RTN4: variants seen among roughly 807,000 people sequenced by gnomAD.
RTN4 encodes the protein reticulon-4.
Under a neutral mutation model 90.4 loss-of-function variants are expected in RTN4, and 32 were observed. That is an observed-to-expected ratio of 0.35 (90% CI 0.27 to 0.48). RTN4 has a LOEUF of 0.48. Ranked by LOEUF, RTN4 falls within the 20% of genes least tolerant of loss-of-function variation. The probability of loss-of-function intolerance (pLI) is 0.99; values close to 1 mark genes in which losing one functional copy is unlikely to be tolerated. For missense variants in RTN4, 1,706 were observed against 1,430.2 expected (o/e 1.19, Z -3.11); for synonymous variants, 629 against 552.5 (o/e 1.14, Z -1.94).
chr2:55,096,908 T>C (rs1667742987), intron 1 of RTN4, among the ~76,000 whole-genome samples: 1 of 151,960 alleles, frequency 6.6e-6, no homozygotes, highest in Non-Finnish European at 1.5e-5. Context: ...GGAGTGACAG[T>C]CATTGTAAAT....
At chr2:55,107,197 C>T (rs944550423) in intron 1 of RTN4, among the ~76,000 whole-genome samples, 7 of 150,838 alleles carry the variant, frequency 4.6e-5, no homozygotes, top group South Asian at 2.1e-4. Flanking sequence ...TGTTTAGTTG[C>T]GTGTATTTTT....
At chr2:55,042,927 T>C (rs759215839) in intron 1 of RTN4, among the ~76,000 whole-genome samples, 1 of 152,124 alleles carries the variant, frequency 6.6e-6, no homozygotes, top group Non-Finnish European at 1.5e-5. Flanking sequence ...ATATATACTA[T>C]GAAGAGGTAA....
At chr2:55,098,461 C>T (rs1376845812) in intron 1 of RTN4, among the ~76,000 whole-genome samples, 7 of 152,020 alleles carry the variant, frequency 4.6e-5, no homozygotes, top group South Asian at 2.1e-4. Context: ...TAATTATCAA[C>T]GCAGGGTCAA....
intron 1 of RTN4, among the ~76,000 whole-genome samples, chr2:55,084,222 A>G (rs1668793700): frequency 6.6e-6 from 1 of 152,064 alleles, no homozygotes; most frequent in South Asian, 2.1e-4. Context: ...CTAAGAGGCC[A>G]TAAAAGCTCA....
In RTN4 at chr2:55,017,360, T is replaced by C. The variant is rs150385855; in HGVS notation, c.3013+7726A>G. On this transcript the variant is annotated intron_variant, in intron 3 of 8. Transcript: ENST00000337526. ...ATATGTAAGTTCTTATTCATGAACATATATAAGTTTGCAAAGCTAATTTCG... is the reference window on the plus strand; with the variant it reads ...ATATGTAAGTTCTTATTCATGAACACATATAAGTTTGCAAAGCTAATTTCG... Among the ~76,000 whole-genome samples the C allele has an allele frequency of 9.1e-3, 1,391 of 152,304 alleles. 19 individuals are homozygous for C. The highest frequency in any genetic ancestry group is 0.032 in the African/African-American group (1,321 of 41,556).
the RTN4 span, among the ~76,000 whole-genome samples, chr2:55,136,485 TC>T: frequency 6.6e-6 from 1 of 152,186 alleles, no homozygotes. Context: ...GTACTTTACT[TC>T]CTTTTGTTCC....
chr2:55,070,913 A>C (rs1324076663), intron 2 of RTN4, among the ~76,000 whole-genome samples: 2 of 151,786 alleles, frequency 1.3e-5, no homozygotes, highest in Non-Finnish European at 2.9e-5. Context: ...AGTAGCTGGG[A>C]CTACAGGTGC....
At position 55,078,265 on chromosome 2, in the gene RTN4, G is replaced by T. The variant is rs903335810; in HGVS notation, c.-63+2224C>A. On this transcript the variant is annotated intron_variant, in intron 2 of 3. Coordinates refer to the RTN4 transcript ENST00000427710. Reference sequence around the variant, plus strand: ...TTTTTTTAAATTTACTATTTTTTGAGGCTTGCTCTGCTGCCCAGGCTGGAA... The same window carrying T: ...TTTTTTTAAATTTACTATTTTTTGATGCTTGCTCTGCTGCCCAGGCTGGAA... 9.2e-5 allele frequency among the ~76,000 whole-genome samples: 14 copies of T among 151,870 alleles called. No homozygotes were observed. The South Asian group carries it at 2.3e-3, about 25-fold the overall frequency.
the RTN4 span, among the ~76,000 whole-genome samples, chr2:55,129,737 G>T: frequency 6.6e-6 from 1 of 152,186 alleles, no homozygotes. Flanking sequence ...AATTTTTTGT[G>T]TTTGTAGTAG....
At chr2:55,119,542 A>G in the RTN4 span, among the ~76,000 whole-genome samples, 3 of 152,238 alleles carry the variant, frequency 2.0e-5, no homozygotes, top group African/African-American at 7.2e-5. Flanking sequence ...TAGTAGAAGT[A>G]AATTTCATAA....
chr2:55,021,130 T>C (rs566432245), intron 3 of RTN4, among the ~76,000 whole-genome samples: 48 of 152,320 alleles, frequency 3.2e-4, no homozygotes, highest in South Asian at 2.5e-3. Flanking sequence ...ACTTAAATAT[T>C]TCATAATTAG....
chr2:55,095,566 A>G (rs1669016089), intron 1 of RTN4, among the ~76,000 whole-genome samples: 1 of 152,064 alleles, frequency 6.6e-6, no homozygotes, highest in Non-Finnish European at 1.5e-5. Flanking sequence ...AGGCTGGAGT[A>G]TAAGTGGCTT....
intron 3 of RTN4, among the ~76,000 whole-genome samples, chr2:54,993,462 A>G (rs1431475595): frequency 1.3e-5 from 2 of 152,152 alleles, no homozygotes; most frequent in Non-Finnish European, 2.9e-5. Flanking sequence ...GAATCAAGTC[A>G]ATTTTCCCAA....
Position 55,050,165 on chromosome 2 carries a change from C to G in RTN4, c.136G>C (p.Asp46His), listed in dbSNP as rs765864174. The G allele has an allele frequency of 1.9e-6, 3 of 1,564,770 alleles. No individual in the cohort carries two copies. The highest frequency in any genetic ancestry group is 1.7e-6 in the Non-Finnish European group (2 of 1,162,360). The change falls in exon 1 of 9, where the codon GAC becomes CAC. Residue 46 changes from aspartate to histidine, a missense_variant. By Grantham distance (81) the Asp-to-His change is moderately conservative. Coordinates refer to ENST00000337526, the MANE Select transcript of RTN4 (RefSeq NM_020532.5). This position sits in a 1 kb window ranked among gnomAD's most constrained non-coding sequence, Gnocchi z 4.6. ...EEEEEEEEDE[D>H]EDLEELEVLE... Reference sequence around the variant, plus strand: ...ACCTCCAGCTCCTCCAGGTCTTCGTCCTCGTCCTCCTCTTCCTCCTCCTCT... The same window carrying G: ...ACCTCCAGCTCCTCCAGGTCTTCGTGCTCGTCCTCCTCTTCCTCCTCCTCT...
rs371538479 is a variant in RTN4 at position 55,026,979 on chromosome 2, C to T, written c.1120G>A (p.Val374Ile). ...KAKDSFNEKR[V>I]AVEAPMREEY... The stretch of plus-strand genomic sequence containing the variant: ...TCCCTCATAGGAGCTTCCACTGCAA[C>T]TCTCTTTTCATTAAAACTGTCTTTT... The change falls in exon 3 of 9, where the codon GTT becomes ATT. Residue 374 changes from valine (V) to isoleucine (I), a missense_variant. Physicochemically the swap from Val to Ile is conservative, Grantham distance 29 (BLOSUM62 3). Transcript: ENST00000337526. The T allele has an allele frequency of 3.1e-6, 5 of 1,613,404 alleles. No individual in the cohort carries two copies. Among genetic ancestry groups the T allele is most frequent in the African/African-American group, 1.3e-5 (1 of 75,022 alleles).
intron 2 of RTN4, among the ~76,000 whole-genome samples, chr2:55,061,069 T>TC (rs1449052856): frequency 2.7e-5 from 4 of 150,434 alleles, no homozygotes; most frequent in African/African-American, 9.8e-5. Context: ...AATAAGAATT[T>TC]TTTTTTTTTT....
intron 1 of RTN4, among the ~76,000 whole-genome samples, chr2:55,029,032 G>C (rs757969623): frequency 3.3e-5 from 5 of 152,126 alleles, no homozygotes; most frequent in Admixed American, 6.6e-5. Context: ...GGGACTTTGG[G>C]AGGTGATTAG....
At chr2:55,049,222 C>T in intron 1 of RTN4, 1 of 966,472 alleles carries the variant, frequency 1.0e-6, no homozygotes, top group East Asian at 1.1e-4. Context: ...GCAAAGGGGC[C>T]ACCCACGCCA....
intron 3 of RTN4, among the ~76,000 whole-genome samples, chr2:54,993,362 T>C (rs747325615): frequency 1.3e-5 from 2 of 152,228 alleles, no homozygotes; most frequent in Non-Finnish European, 2.9e-5. Flanking sequence ...AAGAACACCC[T>C]GTCTGTTAGG....
Sources: gnomAD v4.1 joint callset for allele counts (sites outside exome capture counted in the v4.1 genomes callset) on GRCh38, gnomAD v4.1.1 for gene constraint, Gnocchi (gnomAD v3.1) non-coding constraint, MANE v1.5 for transcripts, NCBI Gene and HGNC (gene_info 2026-07-23, HGNC 2026-07-21) for gene names.